Variants in RIPOR3 observed in about 807,000 individuals in gnomAD.
RIPOR3 encodes RIPOR family member 3.
Under a neutral mutation model 114.3 loss-of-function variants are expected in RIPOR3, and 95 were observed. The ratio of observed to expected loss-of-function variants is 0.83; its 90% CI spans 0.70 to 0.99. The LOEUF (loss-of-function observed/expected upper bound fraction) is 0.99. Among genes scored for constraint, RIPOR3 ranks in the 50% least tolerant of loss-of-function variants. The pLI, the probability that RIPOR3 is intolerant of heterozygous loss-of-function variation, is 0.00. For missense variants in RIPOR3, 1,252 were observed against 1,266.9 expected (o/e 0.99, Z 0.18); for synonymous variants, 575 against 543.8 (o/e 1.06, Z -0.80).
intron 1 of RIPOR3, among the ~76,000 whole-genome samples, chr20:50,651,238 G>C (rs76372348): frequency 0.018 from 2,767 of 152,274 alleles, 99 homozygotes; most frequent in African/African-American, 0.064. Context: ...TGACAGCTAG[G>C]AAGGAAATGG....
intron 1 of RIPOR3, among the ~76,000 whole-genome samples, chr20:50,681,191 C>T (rs1326045678): frequency 7.9e-6 from 1 of 126,982 alleles, no homozygotes; most frequent in Non-Finnish European, 1.6e-5. Context: ...CACCACTGCA[C>T]TCCAGCCTGG....
chr20:50,623,220 A>G (rs2084486559), intron 2 of RIPOR3, among the ~76,000 whole-genome samples: 1 of 150,218 alleles, frequency 6.7e-6, no homozygotes, highest in Admixed American at 6.8e-5. Context: ...AGATCATGCC[A>G]CTTCACTCCA....
At chr20:50,604,202 GA>G (rs897369859) in intron 12 of RIPOR3, among the ~76,000 whole-genome samples, 24 of 149,418 alleles carry the variant, frequency 1.6e-4, no homozygotes, top group Admixed American at 3.4e-4. Flanking sequence ...AAAAAACAAA[GA>G]AAAAAAAAGG....
intron 12 of RIPOR3, among the ~76,000 whole-genome samples, chr20:50,603,968 C>T (rs1403584328): frequency 6.6e-6 from 1 of 151,930 alleles, no homozygotes; most frequent in African/African-American, 2.4e-5. Flanking sequence ...GATCACCTGA[C>T]GTCAGGAGTT....
intron 8 of RIPOR3, 40 bp from the exon 9 acceptor site, chr20:50,608,995 C>T (rs1289465060): frequency 6.4e-7 from 1 of 1,555,908 alleles, no homozygotes; most frequent in South Asian, 1.2e-5. Flanking sequence ...CCGCCTTCCA[C>T]TCTCCCTGAC....
At chr20:50,587,769 C>CCGCTG in intron 21 of RIPOR3, 33 bp downstream of exon 21, 1 of 1,610,154 alleles carries the variant, frequency 6.2e-7, no homozygotes, top group Admixed American at 1.7e-5. Flanking sequence ...CCCAGGCACC[C>CCGCTG]CGCTGCGCTG....
chr20:50,586,924 G>GCCA lies in RIPOR3; in HGVS notation c.*305_*307dup. ...CCTGGCCTTGGCCCTTTTGTAGGTG[G>GCCA]CCACCTAGTTTGGCTCAGCTCTGCA... On this transcript the variant is annotated 3_prime_UTR_variant, in exon 22 of 22. Transcript: ENST00000327979. 1 of 292,218 alleles carries GCCA rather than the reference G, an allele frequency of 3.4e-6. No homozygotes were observed. 18.1% of individuals were successfully genotyped at this position (292,218 alleles called of 1,614,324 possible).
At chr20:50,644,366 C>T (rs541701297) in intron 1 of RIPOR3, among the ~76,000 whole-genome samples, 1 of 152,304 alleles carries the variant, frequency 6.6e-6, no homozygotes, top group African/African-American at 2.4e-5. Context: ...TTCTTGTGCA[C>T]AGAAACAAAT....
intron 1 of RIPOR3, among the ~76,000 whole-genome samples, chr20:50,686,248 G>C (rs1010402409): frequency 2.6e-5 from 4 of 151,824 alleles, no homozygotes; most frequent in Non-Finnish European, 1.5e-5. Flanking sequence ...AGTAGAGACG[G>C]GGTTTCACTG....
At position 50,609,095 on chromosome 20, in the gene RIPOR3, T is replaced by C; in HGVS notation, c.641-140A>G. On this transcript the variant is annotated intron_variant, in intron 8 of 21. Coordinates refer to ENST00000327979, the MANE Select transcript of RIPOR3 (RefSeq NM_001290268.2). ...ATGGGGGGGAGGTACACCATCATGA[T>C]GGAAAATGGACAGAGGGTGCTGGGC... 63 of 1,332,924 alleles carry C rather than the reference T, an allele frequency of 4.7e-5. 1 individual carries two copies. Among genetic ancestry groups the C allele is most frequent in the Non-Finnish European group, 6.3e-5 (61 of 961,766 alleles). 82.6% of individuals were successfully genotyped at this position (1,332,924 alleles called of 1,614,324 possible).
intron 13 of RIPOR3, among the ~76,000 whole-genome samples, chr20:50,600,045 T>G (rs1195791848): frequency 6.6e-6 from 1 of 152,086 alleles, no homozygotes; most frequent in Admixed American, 6.5e-5. Flanking sequence ...GGACTACAGG[T>G]GCACGCTACC....
At chr20:50,615,211 G>A (rs144956762) in intron 4 of RIPOR3, among the ~76,000 whole-genome samples, 273 of 151,396 alleles carry the variant, frequency 1.8e-3, no homozygotes, top group African/African-American at 6.3e-3. Flanking sequence ...GGGCAACACA[G>A]GGCCCAGGGC....
At chr20:50,655,521 C>T (rs915211017) in intron 1 of RIPOR3, among the ~76,000 whole-genome samples, 6 of 152,180 alleles carry the variant, frequency 3.9e-5, no homozygotes, top group Non-Finnish European at 4.4e-5. Flanking sequence ...TTGTTAAGAT[C>T]GCCGACTTAA....
intron 1 of RIPOR3, among the ~76,000 whole-genome samples, chr20:50,638,227 T>C (rs1030472970): frequency 2.0e-5 from 3 of 152,162 alleles, no homozygotes; most frequent in Non-Finnish European, 1.5e-5. Context: ...TGCCCTGATT[T>C]GTGATTTAAG....
intron 19 of RIPOR3, chr20:50,590,056 A>G: frequency 3.0e-6 from 1 of 331,624 alleles, no homozygotes; most frequent in South Asian, 2.9e-5. Context: ...TGCTGTCTAT[A>G]AAATGCTGAA....
At chr20:50,595,343 C>G (rs1250759085) in intron 16 of RIPOR3, 26 bp downstream of exon 16, 12 of 1,607,748 alleles carry the variant, frequency 7.5e-6, no homozygotes, top group Non-Finnish European at 9.4e-6. Flanking sequence ...ACATAGGCAG[C>G]CCCTGGGTGG....
chr20:50,589,199 C>G (rs930643772), intron 20 of RIPOR3, among the ~76,000 whole-genome samples: 1 of 151,370 alleles, frequency 6.6e-6, no homozygotes, highest in Admixed American at 6.6e-5. Context: ...TTTAAATGCT[C>G]ACACACACCC....
At chr20:50,655,513 G>T (rs1436565070) in intron 1 of RIPOR3, among the ~76,000 whole-genome samples, 1 of 152,212 alleles carries the variant, frequency 6.6e-6, no homozygotes, top group Non-Finnish European at 1.5e-5. Flanking sequence ...TTGGGGGGTT[G>T]TTAAGATCGC....
chr20:50,623,096 T>G (rs2084479374), intron 2 of RIPOR3, among the ~76,000 whole-genome samples: 1 of 151,594 alleles, frequency 6.6e-6, no homozygotes, highest in Admixed American at 6.6e-5. Context: ...AAACCCCGTC[T>G]CTACTAAACA....
Sources: gnomAD v4.1 joint callset for allele counts (sites outside exome capture counted in the v4.1 genomes callset) on GRCh38, gnomAD v4.1.1 for gene constraint, MANE v1.5 for transcripts, NCBI Gene and HGNC (gene_info 2026-07-23, HGNC 2026-07-21) for gene names.